Variants in SCFD2 observed in about 807,000 individuals in gnomAD.
SCFD2 encodes the protein sec1 family domain containing 2.
SCFD2 carries 54 observed loss-of-function variants against 58.9 expected under a neutral mutation model. The ratio of observed to expected loss-of-function variants is 0.92; its 90% confidence interval spans 0.74 to 1.15. SCFD2 has a LOEUF of 1.15. Ranked by LOEUF, SCFD2 falls within the 50% of genes most tolerant of loss-of-function variation. The pLI is 0.00. For missense variants in SCFD2, 805 were observed against 836.6 expected, an observed-to-expected ratio of 0.96 and a Z score of 0.47; for synonymous variants, 321 against 335.9, an observed-to-expected ratio of 0.96 and a Z score of 0.49.
intron 5 of SCFD2, among the ~76,000 whole-genome samples, chr4:52,968,414 C>T (rs889300260): frequency 2.0e-5 from 3 of 152,236 alleles, no homozygotes; most frequent in Non-Finnish European, 4.4e-5. Flanking sequence ...ATACTTGGTT[C>T]TGTTTCATGG....
intron 4 of SCFD2, among the ~76,000 whole-genome samples, chr4:53,180,849 C>T (rs946265747): frequency 2.6e-5 from 4 of 152,166 alleles, no homozygotes; most frequent in African/African-American, 9.7e-5. Context: ...GAAATACAAA[C>T]TACCATCAGA....
chr4:53,205,224 CACCAAT>C (rs1196737881), intron 4 of SCFD2, among the ~76,000 whole-genome samples: 3 of 152,080 alleles, frequency 2.0e-5, no homozygotes, highest in Non-Finnish European at 4.4e-5. Context: ...GTCCAGACTG[CACCAAT>C]GTCCAATTCA....
At chr4:53,164,329 C>G (rs1474791792) in intron 4 of SCFD2, among the ~76,000 whole-genome samples, 1 of 152,276 alleles carries the variant, frequency 6.6e-6, no homozygotes. Flanking sequence ...CTCACCCCTA[C>G]ACAGCCAACT....
intron 5 of SCFD2, among the ~76,000 whole-genome samples, chr4:53,040,067 C>G (rs913322085): frequency 1.3e-5 from 2 of 152,198 alleles, no homozygotes; most frequent in African/African-American, 4.8e-5. Flanking sequence ...CAAATCACCT[C>G]CATCAGCATT....
At chr4:53,233,498 T>C (rs1223895307) in intron 4 of SCFD2, among the ~76,000 whole-genome samples, 1 of 152,204 alleles carries the variant, frequency 6.6e-6, no homozygotes, top group Non-Finnish European at 1.5e-5. Flanking sequence ...GCCTTAAACT[T>C]ACTTTGCCTG....
At chr4:53,354,942 C>G (rs1310118529) in intron 1 of SCFD2, among the ~76,000 whole-genome samples, 1 of 152,000 alleles carries the variant, frequency 6.6e-6, no homozygotes, top group Non-Finnish European at 1.5e-5. Context: ...GATTTGAGAT[C>G]CTAAATTAAG....
intron 1 of SCFD2, among the ~76,000 whole-genome samples, chr4:53,353,780 T>C (rs1462314728): frequency 1.4e-5 from 2 of 140,970 alleles, no homozygotes; most frequent in Non-Finnish European, 3.0e-5. Context: ...CACAGGGTGC[T>C]GATTGGTGCA....
chr4:53,354,609 T>C (rs1282775902), intron 1 of SCFD2, among the ~76,000 whole-genome samples: 1 of 152,166 alleles, frequency 6.6e-6, no homozygotes, highest in Admixed American at 6.5e-5. Flanking sequence ...GAGCAAGGGC[T>C]GCTAACACTT....
At chr4:52,985,129 G>A (rs1243680400) in intron 5 of SCFD2, among the ~76,000 whole-genome samples, 1 of 152,198 alleles carries the variant, frequency 6.6e-6, no homozygotes, top group African/African-American at 2.4e-5. Flanking sequence ...TTCTCTTGGG[G>A]TTTTAAGGGT....
At chr4:52,897,663 G>A (rs1719058730) in intron 7 of SCFD2, among the ~76,000 whole-genome samples, 1 of 152,126 alleles carries the variant, frequency 6.6e-6, no homozygotes, top group Non-Finnish European at 1.5e-5. Flanking sequence ...GATGCTGCTG[G>A]CCTCATAAAA....
intron 7 of SCFD2, among the ~76,000 whole-genome samples, 178 bp downstream of exon 7, chr4:52,907,279 C>T (rs140034723): frequency 5.3e-5 from 8 of 152,288 alleles, no homozygotes; most frequent in South Asian, 2.1e-4. Context: ...AGCTGTATGA[C>T]GCTAACAGGT....
chr4:53,303,621 G>T (rs1467540235), intron 3 of SCFD2, among the ~76,000 whole-genome samples: 1 of 152,042 alleles, frequency 6.6e-6, no homozygotes. Context: ...CAAAGGATTA[G>T]AAATCATGCT....
At chr4:52,951,972 AGAG>A (rs1421653440) in intron 5 of SCFD2, among the ~76,000 whole-genome samples, 3 of 152,222 alleles carry the variant, frequency 2.0e-5, no homozygotes, top group Admixed American at 6.5e-5. Context: ...AACACTGTGC[AGAG>A]GAGAAGGCGC....
At chr4:53,133,620 T>C (rs1725857400) in intron 5 of SCFD2, among the ~76,000 whole-genome samples, 1 of 152,140 alleles carries the variant, frequency 6.6e-6, no homozygotes, top group Non-Finnish European at 1.5e-5. Flanking sequence ...TCATTGCAAA[T>C]AGATTTTTAC....
intron 3 of SCFD2, among the ~76,000 whole-genome samples, chr4:53,292,397 G>A (rs1452686777): frequency 1.3e-5 from 2 of 152,080 alleles, no homozygotes; most frequent in African/African-American, 4.8e-5. Flanking sequence ...TGAAACACAT[G>A]AACAGACATT....
chr4:53,036,166 C>T (rs949442815), intron 5 of SCFD2, among the ~76,000 whole-genome samples: 3 of 151,918 alleles, frequency 2.0e-5, no homozygotes, highest in South Asian at 2.1e-4. Flanking sequence ...CCCATCAACT[C>T]GTCATTTACA....
At chr4:53,011,478 C>A (rs1354616302) in intron 5 of SCFD2, among the ~76,000 whole-genome samples, 1 of 152,178 alleles carries the variant, frequency 6.6e-6, no homozygotes, top group Non-Finnish European at 1.5e-5. Context: ...CAGGGAATTT[C>A]TAATATGCAG....
chr4:53,253,835 C>T (rs1356584023), intron 4 of SCFD2, among the ~76,000 whole-genome samples: 3 of 147,112 alleles, frequency 2.0e-5, no homozygotes, highest in African/African-American at 7.6e-5. Flanking sequence ...CACATGTATA[C>T]ATATGTAACT....
At chr4:53,055,231 G>A (rs777875594) in intron 5 of SCFD2, among the ~76,000 whole-genome samples, 3 of 152,248 alleles carry the variant, frequency 2.0e-5, no homozygotes, top group South Asian at 4.1e-4. Flanking sequence ...TTCCAAAAGC[G>A]TAACTTGCTA....
Sources: gnomAD v4.1 joint callset for allele counts (sites outside exome capture counted in the v4.1 genomes callset) on GRCh38, gnomAD v4.1.1 for gene constraint, MANE v1.5 for transcripts, NCBI Gene and HGNC (gene_info 2026-07-23, HGNC 2026-07-21) for gene names.